The following DCDC1 variants were observed in gnomAD, a reference collection of about 807,000 sequenced individuals.
DCDC1 encodes doublecortin domain containing 1.
In DCDC1, 200 loss-of-function variants were observed where a neutral mutation model predicts 178.3. The observed-to-expected ratio is 1.12, with a 90% CI of 1.00 to 1.26. DCDC1 has a LOEUF of 1.26. Among genes scored for constraint, DCDC1 ranks in the 50% most tolerant of loss-of-function variants. The pLI, the probability that DCDC1 is intolerant of heterozygous loss-of-function variation, is 0.00. For synonymous variants in DCDC1, 690 were observed against 604.8 expected (o/e 1.14, Z -2.07); for missense variants, 1,983 against 1,749.2 (o/e 1.13, Z -2.38).
rs575916298 is a variant in DCDC1, at chr11:31,185,852, T to C, written c.1222-48068A>G. ...TAAGTAGATAATCTGATCCTGTCAA[T>C]ACACTGAACCTGAAGCTTCAAGGGA... On this transcript the variant is annotated intron_variant, in intron 9 of 38. Transcript: ENST00000684477. Among the ~76,000 whole-genome samples the C allele has an allele frequency of 3.3e-5, 5 of 152,314 alleles. No homozygotes were observed. In the East Asian group the frequency reaches 7.7e-4, roughly 23 times the overall value.
intron 5 of DCDC1, 22 bp from the exon 6 acceptor site, chr11:31,305,799 G>A (rs745504349): frequency 6.2e-7 from 1 of 1,608,520 alleles, no homozygotes; most frequent in South Asian, 1.1e-5. Flanking sequence ...CAAGAGGTAA[G>A]TCAAAGTGAT....
At chr11:31,073,197 A>G (rs542146000) in intron 18 of DCDC1, among the ~76,000 whole-genome samples, 1 of 152,298 alleles carries the variant, frequency 6.6e-6, no homozygotes, top group South Asian at 2.1e-4. Flanking sequence ...AATATCAGTG[A>G]TTGTGTTTGG....
At chr11:31,343,332 G>A (rs1950641307) in intron 1 of DCDC1, among the ~76,000 whole-genome samples, 1 of 152,038 alleles carries the variant, frequency 6.6e-6, no homozygotes, top group Admixed American at 6.6e-5. Context: ...TTGAGATGGA[G>A]TTTCACTCTT....
chr11:31,213,623 G>C (rs568062967), intron 9 of DCDC1, among the ~76,000 whole-genome samples: 3 of 151,936 alleles, frequency 2.0e-5, no homozygotes, highest in Non-Finnish European at 4.4e-5. Context: ...AGGAGGCTGA[G>C]GCAGGAGAAT....
chr11:31,114,415 C>T (rs2135829454), intron 11 of DCDC1, among the ~76,000 whole-genome samples: 1 of 152,026 alleles, frequency 6.6e-6, no homozygotes, highest in Middle Eastern at 3.4e-3. Flanking sequence ...GAAGGTGGTG[C>T]TATGTAAAGG....
intron 12 of DCDC1, among the ~76,000 whole-genome samples, chr11:31,109,118 CA>C: frequency 7.1e-6 from 1 of 140,920 alleles, no homozygotes; most frequent in South Asian, 2.3e-4. Context: ...ATAATATCTT[CA>C]TTTTTTTTTT....
At chr11:31,102,563 G>T (rs1041821012) in intron 14 of DCDC1, among the ~76,000 whole-genome samples, 6 of 152,036 alleles carry the variant, frequency 3.9e-5, no homozygotes, top group African/African-American at 1.4e-4. Context: ...CTCTGTATTT[G>T]CCTTCTACTT....
chr11:31,209,846 G>A lies in DCDC1; in HGVS notation c.1221+31604C>T, dbSNP rs142229713. Among the ~76,000 whole-genome samples the A allele has an allele frequency of 2.6e-5, 4 of 152,276 alleles. No individual in the cohort carries two copies. The East Asian group carries it at 5.8e-4, about 22-fold the overall frequency. ...CAAGGATAAAGGAACAAGCATGAAC[G>A]GGAGAGAGGCCAATGCATAGAGAGA... On this transcript the variant is annotated intron_variant, in intron 9 of 38. Transcript: ENST00000684477.
chr11:31,182,863 G>A (rs1350408505), intron 9 of DCDC1, among the ~76,000 whole-genome samples: 1 of 151,990 alleles, frequency 6.6e-6, no homozygotes, highest in Non-Finnish European at 1.5e-5. Flanking sequence ...CCCATCTCAT[G>A]TGCAAAGACA....
chr11:31,134,938 G>C (rs965310854), intron 10 of DCDC1, among the ~76,000 whole-genome samples: 1 of 152,178 alleles, frequency 6.6e-6, no homozygotes, highest in Non-Finnish European at 1.5e-5. Flanking sequence ...CAAGGCTGCA[G>C]TGAGCTATGA....
chr11:30,908,723 A>C (rs979528051), intron 29 of DCDC1, among the ~76,000 whole-genome samples: 2 of 152,146 alleles, frequency 1.3e-5, no homozygotes, highest in Non-Finnish European at 2.9e-5. Context: ...AATTATAAAA[A>C]TTTTAAGTAC....
intron 1 of DCDC1, among the ~76,000 whole-genome samples, chr11:31,336,543 T>A (rs962313329): frequency 3.3e-5 from 5 of 152,352 alleles, no homozygotes; most frequent in Admixed American, 6.5e-5. Context: ...AAAGACAATT[T>A]TGAATTCTTT....
At chr11:31,311,080 T>A (rs544176126) in intron 3 of DCDC1, among the ~76,000 whole-genome samples, 1 of 152,326 alleles carries the variant, frequency 6.6e-6, no homozygotes, top group East Asian at 1.9e-4. Context: ...GCTAACTTCC[T>A]CTATGTGTCT....
At chr11:30,888,046 G>GAAAT (rs1273543436) in intron 36 of DCDC1, among the ~76,000 whole-genome samples, 1 of 74,236 alleles carries the variant, frequency 1.3e-5, no homozygotes, top group African/African-American at 5.9e-5. Context: ...AAGAAAGAAA[G>GAAAT]AAAGAAAGAA....
chr11:30,868,854 G>A (rs1258583306), intron 38 of DCDC1, among the ~76,000 whole-genome samples: 1 of 152,200 alleles, frequency 6.6e-6, no homozygotes, highest in African/African-American at 2.4e-5. Flanking sequence ...ATCTAACCTG[G>A]GAGTGAGTTT....
Position 30,886,837 on chromosome 11 carries a change from G to T in DCDC1, c.5083-5529C>A, listed in dbSNP as rs138679365. ...AGTGGGAAAAATGAGGAGCTATATA[G>T]AGATAGGCATCTGAGAGAAATTTAT... On this transcript the variant is annotated intron_variant, in intron 36 of 38. Transcript: ENST00000684477. 3.2e-4 allele frequency among the ~76,000 whole-genome samples: 49 copies of T among 151,954 alleles called. 1 individual carries two copies. The East Asian group carries it at 9.5e-3, about 29-fold the overall frequency.
At chr11:31,112,037 C>T (rs968323309) in intron 11 of DCDC1, among the ~76,000 whole-genome samples, 6 of 151,984 alleles carry the variant, frequency 3.9e-5, no homozygotes, top group Non-Finnish European at 8.8e-5. Context: ...TTGGCTGTGA[C>T]CTCTGCAAAT....
rs775946168 is a variant in DCDC1 at position 31,102,283 on chromosome 11, C to T, written c.1878-1G>A. On this transcript the variant is annotated splice_acceptor_variant, in intron 14 of 38. Transcript: ENST00000684477. LOFTEE classifies it high-confidence loss of function. ...TGGAAATCCCTCACAAACTTCCCAA[C>T]TAAGAAAAGTAAAATACGTAATTAT... 3 of 686,936 alleles carry T rather than the reference C, an allele frequency of 4.4e-6. No individual in the cohort carries two copies. Among genetic ancestry groups the T allele is most frequent in the South Asian group, 3.2e-5 (2 of 62,646 alleles). 42.6% of individuals were successfully genotyped at this position (686,936 alleles called of 1,614,324 possible). A position where few individuals can be genotyped will look rare whatever the true frequency, so the allele number is the denominator to read the frequency against.
chr11:31,236,293 C>A (rs1269185406), intron 9 of DCDC1, among the ~76,000 whole-genome samples: 5 of 152,022 alleles, frequency 3.3e-5, no homozygotes, highest in Non-Finnish European at 7.4e-5. Context: ...CACAGTCGAT[C>A]TCCACATATC....
Sources: allele counts gnomAD v4.1 joint callset (sites outside exome capture counted in the v4.1 genomes callset), GRCh38; gene constraint gnomAD v4.1.1; transcripts MANE v1.5; gene names NCBI Gene and HGNC (gene_info 2026-07-23, HGNC 2026-07-21).